CDK19: variants seen among roughly 807,000 people sequenced by gnomAD.
CDK19 encodes cyclin-dependent kinase 19.
Under a neutral mutation model 68.3 loss-of-function variants are expected in CDK19, and 20 were observed. That is an observed-to-expected ratio of 0.29 (90% CI 0.21 to 0.43). The LOEUF (loss-of-function observed/expected upper bound fraction) is 0.43. Ranked by LOEUF, CDK19 falls within the 20% of genes least tolerant of loss-of-function variation. The pLI, the probability that CDK19 is intolerant of heterozygous loss-of-function variation, is 1.00. For synonymous variants in CDK19, 221 were observed against 222.8 expected, an observed-to-expected ratio of 0.99 and a Z score of 0.07; for missense variants, 339 against 623.5, an observed-to-expected ratio of 0.54 and a Z score of 4.86.
At chr6:110,639,252 T>C (rs1779974106) in intron 4 of CDK19, among the ~76,000 whole-genome samples, 1 of 152,132 alleles carries the variant, frequency 6.6e-6, no homozygotes, top group Admixed American at 6.5e-5. Context: ...CCAAGGCTAA[T>C]ACAGAACTAT....
chr6:110,645,834 C>A (rs1582765230), intron 4 of CDK19: 5 of 613,894 alleles, frequency 8.1e-6, no homozygotes, highest in South Asian at 1.7e-5. Flanking sequence ...GCACGACGCG[C>A]CGCGCTTCCT....
Position 110,735,383 on chromosome 6 carries a change from CAAGTA to C in CDK19, c.204+10738_204+10742del, listed in dbSNP as rs1777172177. On this transcript the variant is annotated intron_variant, in intron 2 of 12. Coordinates refer to ENST00000368911, the MANE Select transcript of CDK19 (RefSeq NM_015076.5). ...ACTAATATTGTTAAAGTAACAATTT[CAAGTA>C]AATTCTTGCATTTATTTAATAATTT... Among the ~76,000 whole-genome samples the C allele has an allele frequency of 2.0e-5, 3 of 152,250 alleles. No individual in the cohort carries two copies. The South Asian group carries it at 6.2e-4, about 32-fold the overall frequency.
intron 6 of CDK19, among the ~76,000 whole-genome samples, chr6:110,628,144 G>A (rs1779207536): frequency 6.6e-6 from 1 of 152,170 alleles, no homozygotes; most frequent in Non-Finnish European, 1.5e-5. Flanking sequence ...CCAGGGGACA[G>A]AGGTTGCAGT....
At chr6:110,757,160 G>A (rs966712783) in intron 1 of CDK19, among the ~76,000 whole-genome samples, 2 of 152,144 alleles carry the variant, frequency 1.3e-5, no homozygotes, top group African/African-American at 4.8e-5. Context: ...GGCTTCCACT[G>A]CCCTAAACCC....
chr6:110,774,944 A>G (rs1780289618), intron 1 of CDK19, among the ~76,000 whole-genome samples: 1 of 151,122 alleles, frequency 6.6e-6, no homozygotes, highest in African/African-American at 2.4e-5. Flanking sequence ...GCAAGACCCT[A>G]TTTCAAAAGA....
At position 110,775,114 on chromosome 6, in the gene CDK19, A is replaced by T. The variant is rs529941597; in HGVS notation, c.129-28913T>A. Among the ~76,000 whole-genome samples the T allele has an allele frequency of 1.5e-3, 227 of 150,876 alleles. 1 individual carries two copies. The highest frequency in any genetic ancestry group is 2.9e-3 in the Non-Finnish European group (196 of 67,720). ...ACAAAAATTAGCTGGGTGTGGTGGC[A>T]TGCGCCTGTAGTCCCAGCTACTCGG... On this transcript the variant is annotated intron_variant, in intron 1 of 12. Coordinates refer to ENST00000368911, the MANE Select transcript of CDK19 (RefSeq NM_015076.5).
chr6:110,719,972 G>GCTCCCC lies in CDK19; in HGVS notation c.204+26153_204+26154insGGGGAG, dbSNP rs1554211507. On this transcript the variant is annotated intron_variant, in intron 2 of 12. Transcript: ENST00000368911. ...TCTTGAACTCCTGACCTTGTGATCC[G>GCTCCCC]CCCCCCCCCCCCCACCCCCCCCCTG... is the stretch of plus-strand genomic sequence containing the variant. 1.7e-3 allele frequency among the ~76,000 whole-genome samples: 78 copies of GCTCCCC among 45,532 alleles called. 1 individual carries two copies. The highest frequency in any genetic ancestry group is 2.2e-3 in the Non-Finnish European group (52 of 23,680). 29.9% of individuals were successfully genotyped at this position (45,532 alleles called of 152,430 possible). A position where few individuals can be genotyped will look rare whatever the true frequency, so the allele number is the denominator to read the frequency against.
At chr6:110,647,535 A>ATAAC (rs1307639796) in intron 4 of CDK19, among the ~76,000 whole-genome samples, 1 of 152,194 alleles carries the variant, frequency 6.6e-6, no homozygotes, top group Non-Finnish European at 1.5e-5. Context: ...AATCCCATGA[A>ATAAC]TAACTTCATA....
chr6:110,797,052 G>C (rs1178906056), intron 1 of CDK19, among the ~76,000 whole-genome samples: 1 of 144,238 alleles, frequency 6.9e-6, no homozygotes, highest in African/African-American at 2.6e-5. Context: ...ATAAGAAATT[G>C]GATTTTTGGC....
chr6:110,648,539 T>TA (rs1780759433), intron 4 of CDK19, among the ~76,000 whole-genome samples: 2 of 80,778 alleles, frequency 2.5e-5, no homozygotes, highest in Non-Finnish European at 5.1e-5. Context: ...TTTTCTTTTC[T>TA]TTTTTTTTTT....
chr6:110,761,305 G>A (rs1779214786), intron 1 of CDK19, among the ~76,000 whole-genome samples: 1 of 152,180 alleles, frequency 6.6e-6, no homozygotes, highest in Non-Finnish European at 1.5e-5. Context: ...AACTGGTTAA[G>A]AGGCCTTTGC....
At chr6:110,724,153 A>T (rs2114761041) in intron 2 of CDK19, among the ~76,000 whole-genome samples, 1 of 152,272 alleles carries the variant, frequency 6.6e-6, no homozygotes, top group South Asian at 2.1e-4. Context: ...CAGGAGTTCG[A>T]GACCAGCCTG....
At chr6:110,775,524 G>A (rs573875400) in intron 1 of CDK19, among the ~76,000 whole-genome samples, 1 of 152,268 alleles carries the variant, frequency 6.6e-6, no homozygotes, top group South Asian at 2.1e-4. Context: ...GGCAGTATGG[G>A]AGAAATCTAC....
intron 2 of CDK19, among the ~76,000 whole-genome samples, chr6:110,740,189 T>C (rs1391435119): frequency 6.6e-6 from 1 of 152,202 alleles, no homozygotes; most frequent in Non-Finnish European, 1.5e-5. Context: ...CTATATTGTC[T>C]GCTAATTTTA....
intron 4 of CDK19, among the ~76,000 whole-genome samples, chr6:110,658,218 C>G (rs1487732154): frequency 6.6e-6 from 1 of 152,160 alleles, no homozygotes; most frequent in Non-Finnish European, 1.5e-5. Flanking sequence ...AAGCCCTAGA[C>G]TATCAAGGAC....
At chr6:110,786,843 C>G (rs1273900677) in intron 1 of CDK19, among the ~76,000 whole-genome samples, 1 of 152,046 alleles carries the variant, frequency 6.6e-6, no homozygotes, top group African/African-American at 2.4e-5. Context: ...TCCAGACTTT[C>G]TTTTGTAAAA....
chr6:110,713,152 G>A lies in CDK19; in HGVS notation c.204+32974C>T, dbSNP rs142085297. ...TTGGAGGTTGCGGTGAGCCAAGATC[G>A]TGCCACTGCACTCCAGCCTGATGAC... On this transcript the variant is annotated intron_variant, in intron 2 of 12. Coordinates refer to ENST00000368911, the MANE Select transcript of CDK19 (RefSeq NM_015076.5). Among the ~76,000 whole-genome samples, 1,362 of 149,904 alleles carry A rather than the reference G, an allele frequency of 9.1e-3. 22 individuals are homozygous for A. The highest frequency in any genetic ancestry group is 0.032 in the African/African-American group (1,298 of 40,658).
chr6:110,644,475 T>A (rs1780417273), intron 4 of CDK19, among the ~76,000 whole-genome samples: 1 of 152,102 alleles, frequency 6.6e-6, no homozygotes. Context: ...CTACAGTCAA[T>A]ACTAATTTAA....
intron 1 of CDK19, among the ~76,000 whole-genome samples, chr6:110,804,697 T>C (rs1583141929): frequency 6.8e-6 from 1 of 147,444 alleles, no homozygotes; most frequent in African/African-American, 2.5e-5. Flanking sequence ...GGCTCACACC[T>C]GTAATCCCAG....
Sources: gnomAD v4.1 joint callset for allele counts (sites outside exome capture counted in the v4.1 genomes callset) on GRCh38, gnomAD v4.1.1 for gene constraint, MANE v1.5 for transcripts, NCBI Gene and HGNC (gene_info 2026-07-23, HGNC 2026-07-21) for gene names.